TNS1: variants seen among roughly 807,000 people sequenced by gnomAD.
The protein encoded by TNS1 is tensin-1.
Under a neutral mutation model 168.6 loss-of-function variants are expected in TNS1, and 62 were observed. That is an observed-to-expected ratio of 0.37 (90% CI 0.30 to 0.45). The LOEUF (loss-of-function observed/expected upper bound fraction) is 0.45, where lower values mean the gene tolerates loss of function less well. Ranked by LOEUF, TNS1 falls within the 20% of genes least tolerant of loss-of-function variation. The pLI, the probability that TNS1 is intolerant of heterozygous loss-of-function variation, is 1.00. For synonymous variants in TNS1, 934 were observed against 933.2 expected (o/e 1.00, Z -0.02); for missense variants, 2,240 against 2,339.4 (o/e 0.96, Z 0.88).
At chr2:217,988,931 G>A (rs966247075) in intron 2 of TNS1, among the ~76,000 whole-genome samples, 3 of 152,150 alleles carry the variant, frequency 2.0e-5, no homozygotes, top group Non-Finnish European at 4.4e-5. Flanking sequence ...TTGGTATGCA[G>A]TAAGCGCTTT....
intron 18 of TNS1, among the ~76,000 whole-genome samples, chr2:217,870,261 C>A (rs1949658025): frequency 6.6e-6 from 1 of 152,194 alleles, no homozygotes; most frequent in African/African-American, 2.4e-5. Flanking sequence ...TGGGCTGACA[C>A]CCCTACCCCG....
intron 31 of TNS1, 95 bp downstream of exon 31, chr2:217,808,506 TGC>T: frequency 9.4e-7 from 1 of 1,066,780 alleles, no homozygotes; most frequent in Non-Finnish European, 1.4e-6. Context: ...TGTATGCACA[TGC>T]ACACACACAC....
chr2:217,804,290 T>TCTG lies in TNS1; in HGVS notation c.*168_*169insCAG. The TCTG allele has an allele frequency of 2.0e-6, 1 of 504,820 alleles. No homozygotes were observed. Among genetic ancestry groups the TCTG allele is most frequent in the Non-Finnish European group, 3.5e-6 (1 of 289,778 alleles). The allele number at this position is 504,820 out of a possible 1,614,324, so 31.3% of individuals were successfully genotyped here. A position where few individuals can be genotyped will look rare whatever the true frequency, so the allele number is the denominator to read the frequency against. On this transcript the variant is annotated 3_prime_UTR_variant, in exon 33 of 33. Transcript: ENST00000682258. ...TCTCTCTCTCTCTCTCTCTCTCTCT[T>TCTG]TTCCCCCTCCCCTCTGCAATTCACT...
intron 20 of TNS1, 126 bp from the exon 21 acceptor site, chr2:217,835,292 T>C: frequency 1.2e-6 from 1 of 832,624 alleles, no homozygotes; most frequent in Non-Finnish European, 1.9e-6. Context: ...GCCTGGCTCC[T>C]CACTGGTGCT....
At chr2:218,007,093 G>A (rs1026267859), upstream of TNS1, among the ~76,000 whole-genome samples, 2 of 152,060 alleles carry the variant, frequency 1.3e-5, no homozygotes, top group Non-Finnish European at 2.9e-5. Flanking sequence ...AGACCATCCT[G>A]AGGGGCCCAC....
At chr2:218,009,298 AAGTTACACAC>A (rs1958685118) in intron 1 of TNS1, among the ~76,000 whole-genome samples, 1 of 152,062 alleles carries the variant, frequency 6.6e-6, no homozygotes, top group Non-Finnish European at 1.5e-5. Flanking sequence ...GGAGAATTTA[AAGTTACACAC>A]AGTTTTTCCA....
intron 1 of TNS1, among the ~76,000 whole-genome samples, chr2:218,023,982 C>T (rs1200058188): frequency 6.6e-6 from 1 of 152,204 alleles, no homozygotes; most frequent in African/African-American, 2.4e-5. Flanking sequence ...GGACAGAGTG[C>T]AGGCAGGTAC....
intron 3 of TNS1, among the ~76,000 whole-genome samples, chr2:217,959,901 A>G (rs1312497116): frequency 6.6e-6 from 1 of 151,982 alleles, no homozygotes; most frequent in Non-Finnish European, 1.5e-5. Context: ...GAGTGAGGGG[A>G]GATGCCTCGC....
chr2:217,917,967 C>T (rs1038589004), intron 4 of TNS1, among the ~76,000 whole-genome samples: 6 of 151,896 alleles, frequency 4.0e-5, no homozygotes, highest in African/African-American at 9.7e-5. Context: ...GCAGGAAGGC[C>T]GGGCGGCTGA....
chr2:217,988,222 C>T (rs1358215784), intron 2 of TNS1, among the ~76,000 whole-genome samples: 1 of 152,224 alleles, frequency 6.6e-6, no homozygotes, highest in Non-Finnish European at 1.5e-5. Context: ...TCCACTCACC[C>T]TCCCCTCCGG....
chr2:217,926,099 A>T (rs1956010919), intron 3 of TNS1, among the ~76,000 whole-genome samples: 1 of 152,158 alleles, frequency 6.6e-6, no homozygotes, highest in African/African-American at 2.4e-5. Context: ...GCACAGAAAT[A>T]TACCAGGGAA....
Position 217,803,728 on chromosome 2 carries a change from C to A in TNS1, c.*731G>T, listed in dbSNP as rs563363127. 1 of 152,870 alleles carries A rather than the reference C, an allele frequency of 6.5e-6. No individual in the cohort carries two copies. Among genetic ancestry groups the A allele is most frequent in the South Asian group, 2.1e-4 (1 of 4,820 alleles). 9.5% of individuals were successfully genotyped at this position (152,870 alleles called of 1,614,324 possible). ...ACCCATAGCTTGGTTGTTTGTCCCT[C>A]CCCTGCTGCACTGCCACCACCAACC... On this transcript the variant is annotated 3_prime_UTR_variant, in exon 33 of 33. Coordinates refer to ENST00000682258, the MANE Select transcript of TNS1 (RefSeq NM_001387777.1).
chr2:217,828,933 C>T (rs146401869), intron 22 of TNS1, among the ~76,000 whole-genome samples: 117 of 152,276 alleles, frequency 7.7e-4, no homozygotes, highest in African/African-American at 2.7e-3. Flanking sequence ...GGGGGCTCTG[C>T]GCCAGGAGAA....
At chr2:217,935,127 C>T (rs898650803) in intron 3 of TNS1, among the ~76,000 whole-genome samples, 4 of 152,208 alleles carry the variant, frequency 2.6e-5, no homozygotes, top group Admixed American at 1.3e-4. Context: ...GACTCTGTCA[C>T]CCTCCTGTTG....
At chr2:217,908,680 C>T (rs1043840481) in intron 4 of TNS1, among the ~76,000 whole-genome samples, 3 of 152,168 alleles carry the variant, frequency 2.0e-5, no homozygotes, top group African/African-American at 7.2e-5. Context: ...GGCCCAGACT[C>T]ATCTACCCCT....
Position 217,848,750 on chromosome 2 carries a change from C to A in TNS1, c.1767G>T (p.Arg589Ser), listed in dbSNP as rs1947055704. Reference protein sequence around the residue: ...QGAMYHTQHLRSRPAGGSAVP... With the variant: ...QGAMYHTQHLSSRPAGGSAVP... ...CAGCCGAGCCCCCTGCTGGGCGGGA[C>A]CTGAGGTGCTGGGTGTGGTACATGG... The change falls in exon 19 of 33, where the codon AGG becomes AGT. Residue 589 changes from arginine to serine, a missense_variant. Arg to Ser is a moderately radical substitution (Grantham distance 110). Coordinates refer to ENST00000682258, the MANE Select transcript of TNS1 (RefSeq NM_001387777.1). 1 of 1,614,092 alleles carries A rather than the reference C, an allele frequency of 6.2e-7. No homozygotes were observed. The highest frequency in any genetic ancestry group is 1.7e-5 in the Admixed American group (1 of 60,010).
chr2:217,978,232 G>A lies in TNS1; in HGVS notation c.186+533C>T, dbSNP rs554249995. Among the ~76,000 whole-genome samples the A allele has an allele frequency of 8.5e-5, 13 of 152,226 alleles. No homozygotes were observed. In the East Asian group the frequency reaches 2.5e-3, roughly 29 times the overall value. On this transcript the variant is annotated intron_variant, in intron 3 of 32. Coordinates refer to ENST00000682258, the MANE Select transcript of TNS1 (RefSeq NM_001387777.1). ...CAAAAGAAGACCTGGCCAATAAAGA[G>A]GAAGGGACAGTCTCTCAGGCGGTTC...
intron 3 of TNS1, among the ~76,000 whole-genome samples, chr2:217,958,578 T>C (rs1957421330): frequency 6.6e-6 from 1 of 152,220 alleles, no homozygotes; most frequent in Admixed American, 6.5e-5. Flanking sequence ...AATCCCCACA[T>C]AGCCCTCATG....
intron 3 of TNS1, among the ~76,000 whole-genome samples, chr2:217,937,428 C>T (rs1334068547): frequency 6.6e-6 from 1 of 152,162 alleles, no homozygotes; most frequent in Non-Finnish European, 1.5e-5. Flanking sequence ...AATCATAGCC[C>T]GAACCCCAGC....
Sources: allele counts gnomAD v4.1 joint callset (sites outside exome capture counted in the v4.1 genomes callset), GRCh38; gene constraint gnomAD v4.1.1; transcripts MANE v1.5; gene names NCBI Gene and HGNC (gene_info 2026-07-23, HGNC 2026-07-21).